The following GRM7 variants were observed in gnomAD, a reference collection of about 807,000 sequenced individuals.
GRM7 encodes the protein glutamate metabotropic receptor 7, also known as metabotropic glutamate receptor 7.
In GRM7, 35 loss-of-function variants were observed where a neutral mutation model predicts 84.5. The ratio of observed to expected loss-of-function variants is 0.41; its 90% confidence interval spans 0.32 to 0.55. GRM7 has a LOEUF of 0.55. GRM7 is among the 20% of genes least tolerant of loss of function. The probability of loss-of-function intolerance (pLI) is 0.19; values close to 1 mark genes in which losing one functional copy is unlikely to be tolerated. For synonymous variants in GRM7, 487 were observed against 455.1 expected (o/e 1.07, Z -0.89); for missense variants, 1,003 against 1,194.6 (o/e 0.84, Z 2.36).
rs531051096 is a variant in GRM7 at position 7,408,765 on chromosome 3, G to A, written c.1034-6258G>A. Among the ~76,000 whole-genome samples the A allele has an allele frequency of 2.6e-5, 4 of 152,288 alleles. No individual in the cohort carries two copies. The East Asian group carries it at 5.8e-4, about 22-fold the overall frequency. Reference sequence around the variant, plus strand: ...ACATGGCATAGAGTCGAGGGTGCAGGACAGCTAGTTCCTACAACCATGCAA... The same window carrying A: ...ACATGGCATAGAGTCGAGGGTGCAGAACAGCTAGTTCCTACAACCATGCAA... On this transcript the variant is annotated intron_variant, in intron 4 of 9. Coordinates refer to ENST00000357716, the MANE Select transcript of GRM7 (RefSeq NM_000844.4).
chr3:7,668,701 A>G (rs1289425738), intron 8 of GRM7, among the ~76,000 whole-genome samples: 1 of 152,242 alleles, frequency 6.6e-6, no homozygotes, highest in Non-Finnish European at 1.5e-5. Flanking sequence ...GAAATACAGC[A>G]TATTTAGGAA....
intron 1 of GRM7, among the ~76,000 whole-genome samples, chr3:7,029,394 G>T (rs568678242): frequency 2.1e-3 from 320 of 151,972 alleles, no homozygotes; most frequent in Non-Finnish European, 2.9e-3. Context: ...TGGCGGCAGG[G>T]ACTCAAGCGG....
chr3:7,497,862 G>T (rs1327373257), intron 7 of GRM7, among the ~76,000 whole-genome samples: 3 of 151,986 alleles, frequency 2.0e-5, no homozygotes, highest in Admixed American at 2.0e-4. Context: ...CATATCACAG[G>T]GTGACTGTAA....
intron 1 of GRM7, among the ~76,000 whole-genome samples, chr3:7,034,640 T>G (rs553313432): frequency 7.2e-5 from 11 of 152,342 alleles, no homozygotes; most frequent in Admixed American, 3.3e-4. Flanking sequence ...AAATTATGAT[T>G]TTTTTCTCAG....
Position 7,440,902 on chromosome 3 carries a change from G to T in GRM7, c.1175-11705G>T, listed in dbSNP as rs114905392. Among the ~76,000 whole-genome samples the T allele has an allele frequency of 8.8e-3, 1,332 of 152,226 alleles. 21 individuals carry two copies. The highest frequency in any genetic ancestry group is 0.029 in the African/African-American group (1,212 of 41,520). On this transcript the variant is annotated intron_variant, in intron 5 of 9. Transcript: ENST00000357716. Reference sequence around the variant, plus strand: ...TTCTTTATCCAGTCTACCATTGATGGAAATACAAGTCAATGCCATGTCTTT... The same window carrying T: ...TTCTTTATCCAGTCTACCATTGATGTAAATACAAGTCAATGCCATGTCTTT...
At chr3:7,665,218 CG>C (rs1193779184) in intron 8 of GRM7, among the ~76,000 whole-genome samples, 1 of 138,772 alleles carries the variant, frequency 7.2e-6, no homozygotes, top group Non-Finnish European at 1.5e-5. Flanking sequence ...GTGGCCCAGG[CG>C]GGAGTGCAGT....
intron 8 of GRM7, among the ~76,000 whole-genome samples, chr3:7,635,744 G>C (rs1326932937): frequency 2.0e-5 from 3 of 152,158 alleles, no homozygotes; most frequent in Non-Finnish European, 4.4e-5. Flanking sequence ...CACAATCATA[G>C]TTCACTGCAA....
intron 7 of GRM7, among the ~76,000 whole-genome samples, chr3:7,564,818 C>T (rs1209846290): frequency 6.6e-6 from 1 of 152,082 alleles, no homozygotes; most frequent in East Asian, 1.9e-4. Flanking sequence ...GCGATGAAGC[C>T]AGGCTTTGAA....
intron 8 of GRM7, among the ~76,000 whole-genome samples, chr3:7,635,071 G>A (rs895959043): frequency 2.6e-5 from 4 of 152,172 alleles, no homozygotes; most frequent in Non-Finnish European, 4.4e-5. Context: ...AGCCTCATAT[G>A]GGTATTGAGC....
chr3:7,727,919 G>A (rs995973726), intron 9 of GRM7, among the ~76,000 whole-genome samples: 1 of 152,236 alleles, frequency 6.6e-6, no homozygotes, highest in Non-Finnish European at 1.5e-5. Flanking sequence ...GCAGCTCTGC[G>A]ATTCTGTCTT....
chr3:7,420,099 C>T (rs186690690), intron 5 of GRM7, among the ~76,000 whole-genome samples: 1 of 152,230 alleles, frequency 6.6e-6, no homozygotes, highest in East Asian at 1.9e-4. Flanking sequence ...TAACAAAAAG[C>T]CTGTTGATAA....
Position 7,384,107 on chromosome 3 carries a change from C to T in GRM7, c.1034-30916C>T, listed in dbSNP as rs529841572. ...GCAGTGGCGCAATTTTGGCTCACCA[C>T]AACCTCCACCTCCCGGGTTCAAGCG... On this transcript the variant is annotated intron_variant, in intron 4 of 9. Transcript: ENST00000357716. 1.7e-3 allele frequency among the ~76,000 whole-genome samples: 254 copies of T among 152,304 alleles called. 1 individual carries two copies. Among genetic ancestry groups the T allele is most frequent in the Non-Finnish European group, 3.1e-3 (209 of 68,022 alleles).
chr3:6,992,307 A>G (rs1211297175), intron 1 of GRM7, among the ~76,000 whole-genome samples: 1 of 152,216 alleles, frequency 6.6e-6, no homozygotes, highest in East Asian at 1.9e-4. Flanking sequence ...GGAGTCCTTA[A>G]AGATAAATAT....
At chr3:7,055,118 T>G (rs948294763) in intron 1 of GRM7, among the ~76,000 whole-genome samples, 1 of 152,040 alleles carries the variant, frequency 6.6e-6, no homozygotes, top group East Asian at 1.9e-4. Context: ...GCAAATCTAT[T>G]GCCTTTGGAT....
At chr3:6,970,225 C>CCTTCT (rs1559359012) in intron 1 of GRM7, among the ~76,000 whole-genome samples, 4 of 152,200 alleles carry the variant, frequency 2.6e-5, no homozygotes, top group Admixed American at 1.3e-4. Context: ...CTTTCCCTTC[C>CCTTCT]GATCTACAGG....
chr3:7,566,333 A>C (rs1184474979), intron 7 of GRM7, among the ~76,000 whole-genome samples: 1 of 152,202 alleles, frequency 6.6e-6, no homozygotes, highest in East Asian at 1.9e-4. Context: ...CCCCTGGTAC[A>C]GAATATGAGT....
At chr3:7,659,580 T>C (rs1309651840) in intron 8 of GRM7, among the ~76,000 whole-genome samples, 3 of 152,176 alleles carry the variant, frequency 2.0e-5, no homozygotes, top group Non-Finnish European at 2.9e-5. Flanking sequence ...AATCACCCAT[T>C]GGAAGCCCCA....
At chr3:7,084,435 G>A (rs188691366) in intron 1 of GRM7, among the ~76,000 whole-genome samples, 9 of 152,208 alleles carry the variant, frequency 5.9e-5, no homozygotes, top group Admixed American at 1.3e-4. Flanking sequence ...CAGTAGCTTG[G>A]AAGGGAATAA....
chr3:6,966,186 T>C (rs112850488), intron 1 of GRM7, among the ~76,000 whole-genome samples: 338 of 152,330 alleles, frequency 2.2e-3, no homozygotes, highest in Non-Finnish European at 3.6e-3. Context: ...ATTTTTTTTA[T>C]ACTTCCAGAA....
Sources: gnomAD v4.1 joint callset for allele counts (sites outside exome capture counted in the v4.1 genomes callset) on GRCh38, gnomAD v4.1.1 for gene constraint, MANE v1.5 for transcripts, NCBI Gene and HGNC (gene_info 2026-07-23, HGNC 2026-07-21) for gene names.